RALGAPA2: variants seen among roughly 807,000 people sequenced by gnomAD.
RALGAPA2 encodes the protein ral GTPase-activating protein subunit alpha-2.
Under a neutral mutation model 230.4 loss-of-function variants are expected in RALGAPA2, and 139 were observed. The observed-to-expected ratio is 0.60, with a 90% CI of 0.53 to 0.69. The LOEUF (loss-of-function observed/expected upper bound fraction) is 0.69. Among genes scored for constraint, RALGAPA2 ranks in the 30% least tolerant of loss-of-function variants. RALGAPA2 has a pLI of 0.00. For synonymous variants in RALGAPA2, 847 were observed against 837.8 expected, an observed-to-expected ratio of 1.01 and a Z score of -0.19; for missense variants, 2,163 against 2,276.0, an observed-to-expected ratio of 0.95 and a Z score of 1.01.
In RALGAPA2 at chr20:20,393,056, C is replaced by T. The variant is rs1316690303; in HGVS notation, c.*233G>A. 4 of 1,307,816 alleles carry T rather than the reference C, an allele frequency of 3.1e-6. No individual in the cohort carries two copies. Among genetic ancestry groups the T allele is most frequent in the Non-Finnish European group, 4.1e-6 (4 of 982,186 alleles). The allele number at this position is 1,307,816 out of a possible 1,614,324, so 81.0% of individuals were successfully genotyped here. A position where few individuals can be genotyped will look rare whatever the true frequency, so the allele number is the denominator to read the frequency against. Reference sequence around the variant, plus strand: ...TGATACAGCCTAGTTTGAGTCCCATCTGAGACACGGTAGTGGGATTCACCA... The same window carrying T: ...TGATACAGCCTAGTTTGAGTCCCATTTGAGACACGGTAGTGGGATTCACCA... On this transcript the variant is annotated 3_prime_UTR_variant, in exon 40 of 40. Coordinates refer to ENST00000202677, the MANE Select transcript of RALGAPA2 (RefSeq NM_020343.4).
intron 2 of RALGAPA2, among the ~76,000 whole-genome samples, chr20:20,680,206 C>T (rs2146827496): frequency 6.6e-6 from 1 of 152,338 alleles, no homozygotes; most frequent in Middle Eastern, 3.4e-3. Context: ...GTATACAGAA[C>T]AGAATGTATA....
intron 16 of RALGAPA2, 125 bp from the exon 17 acceptor site, chr20:20,591,439 T>A (rs1401796320): frequency 8.7e-7 from 1 of 1,152,836 alleles, no homozygotes. Context: ...TATAGTCAGA[T>A]AATCTGCATT....
Position 20,531,804 on chromosome 20 carries a change from A to G in RALGAPA2, c.3474-9T>C, listed in dbSNP as rs1246410744. The G allele has an allele frequency of 1.9e-6, 3 of 1,573,986 alleles. No individual in the cohort carries two copies. Among genetic ancestry groups the G allele is most frequent in the Non-Finnish European group, 1.7e-6 (2 of 1,156,700 alleles). On this transcript the variant is annotated splice_polypyrimidine_tract_variant and intron_variant, in intron 26 of 39. Transcript: ENST00000202677. Reference sequence around the variant, plus strand: ...AGCAAACAGCAATGCATCTTTTTAAAAAGAAGAAAACAGAGGAAAACTCTC... The same window carrying G: ...AGCAAACAGCAATGCATCTTTTTAAGAAGAAGAAAACAGAGGAAAACTCTC...
At chr20:20,409,798 T>A (rs537428935) in intron 38 of RALGAPA2, among the ~76,000 whole-genome samples, 1 of 152,368 alleles carries the variant, frequency 6.6e-6, no homozygotes, top group African/African-American at 2.4e-5. Flanking sequence ...CTCATTGTAC[T>A]GCCCCACATT....
intron 35 of RALGAPA2, among the ~76,000 whole-genome samples, chr20:20,497,632 G>A (rs1018474491): frequency 2.6e-5 from 4 of 152,314 alleles, no homozygotes; most frequent in East Asian, 1.9e-4. Flanking sequence ...AGGTAATACC[G>A]TGATTATTGA....
intron 31 of RALGAPA2, among the ~76,000 whole-genome samples, chr20:20,517,627 A>G (rs1335666647): frequency 3.3e-4 from 51 of 152,310 alleles, no homozygotes; most frequent in Non-Finnish European, 1.0e-4. Flanking sequence ...TCCACAGGAG[A>G]CAATGAAATT....
intron 36 of RALGAPA2, among the ~76,000 whole-genome samples, chr20:20,475,055 T>A (rs1334771732): frequency 6.6e-6 from 1 of 152,164 alleles, no homozygotes; most frequent in African/African-American, 2.4e-5. Context: ...TGACACACAA[T>A]TGGAAGGCAA....
chr20:20,701,078 G>A (rs947421177), intron 1 of RALGAPA2, among the ~76,000 whole-genome samples: 3 of 152,170 alleles, frequency 2.0e-5, no homozygotes, highest in Non-Finnish European at 2.9e-5. Context: ...TGTCTGCCAC[G>A]TAGTTTGTGT....
chr20:20,414,031 C>T (rs912597804), intron 37 of RALGAPA2, among the ~76,000 whole-genome samples: 27 of 152,278 alleles, frequency 1.8e-4, no homozygotes, highest in African/African-American at 3.1e-4. Context: ...CCCAGCAAGC[C>T]GCTGGTCCGG....
At chr20:20,675,637 C>G (rs1160826682) in intron 3 of RALGAPA2, among the ~76,000 whole-genome samples, 5 of 152,116 alleles carry the variant, frequency 3.3e-5, no homozygotes, top group African/African-American at 1.2e-4. Flanking sequence ...AGACTTTAAG[C>G]TTAATAAGTC....
At chr20:20,428,324 T>A (rs2060429673) in intron 37 of RALGAPA2, among the ~76,000 whole-genome samples, 1 of 152,174 alleles carries the variant, frequency 6.6e-6, no homozygotes, top group South Asian at 2.1e-4. Flanking sequence ...ATCATCTTCG[T>A]GACTAAAAAT....
intron 39 of RALGAPA2, among the ~76,000 whole-genome samples, chr20:20,393,696 T>C (rs925897047): frequency 1.3e-5 from 2 of 152,240 alleles, no homozygotes; most frequent in Non-Finnish European, 2.9e-5. Flanking sequence ...TTCTACACAA[T>C]GAGTTACAAC....
At chr20:20,662,740 G>T (rs1423805910) in intron 3 of RALGAPA2, among the ~76,000 whole-genome samples, 1 of 152,156 alleles carries the variant, frequency 6.6e-6, no homozygotes, top group African/African-American at 2.4e-5. Flanking sequence ...CACCATTCCT[G>T]CTCTAAAAGT....
In RALGAPA2 at chr20:20,712,283, CTCCCAG is replaced by C; in HGVS notation, c.106+86_106+91del. On this transcript the variant is annotated intron_variant, in intron 1 of 39. Transcript: ENST00000202677. The surrounding 1 kb of genome is among the most constrained non-coding windows in gnomAD (Gnocchi z 5.5). ...ACGCCCACCCATCCCCCTCCCCAGC[CTCCCAG>C]CCACCGACCCCTGCACAGAGGAGCG... 4 of 1,210,674 alleles carry C rather than the reference CTCCCAG, an allele frequency of 3.3e-6. No individual in the cohort carries two copies. Among genetic ancestry groups the C allele is most frequent in the Middle Eastern group, 3.0e-4 (1 of 3,346 alleles). The allele number at this position is 1,210,674 out of a possible 1,614,324, so 75.0% of individuals were successfully genotyped here.
chr20:20,663,525 C>A (rs568164013), intron 3 of RALGAPA2, among the ~76,000 whole-genome samples: 2 of 152,266 alleles, frequency 1.3e-5, no homozygotes, highest in African/African-American at 4.8e-5. Context: ...AAAGGAAGCA[C>A]TGTACAGCTT....
intron 9 of RALGAPA2, among the ~76,000 whole-genome samples, chr20:20,631,895 C>G (rs6106273): frequency 5.9e-5 from 9 of 152,296 alleles, no homozygotes; most frequent in African/African-American, 2.2e-4. Context: ...CTACCAGAAC[C>G]TCAGTCCTCT....
chr20:20,600,828 G>A (rs975430271), intron 16 of RALGAPA2, among the ~76,000 whole-genome samples: 6 of 152,198 alleles, frequency 3.9e-5, no homozygotes, highest in African/African-American at 7.2e-5. Context: ...TAGGGCGGGC[G>A]CAGTGGCTCA....
At chr20:20,517,102 G>A (rs984493813) in intron 31 of RALGAPA2, among the ~76,000 whole-genome samples, 1 of 152,142 alleles carries the variant, frequency 6.6e-6, no homozygotes, top group Non-Finnish European at 1.5e-5. Context: ...CAGCATGAAT[G>A]TACCTACAGA....
intron 35 of RALGAPA2, among the ~76,000 whole-genome samples, chr20:20,498,061 G>A (rs1264597118): frequency 2.0e-5 from 3 of 152,170 alleles, no homozygotes; most frequent in South Asian, 2.1e-4. Flanking sequence ...CAGAACATAC[G>A]GAATACTCTG....
Sources: gnomAD v4.1 joint callset for allele counts (sites outside exome capture counted in the v4.1 genomes callset) on GRCh38, gnomAD v4.1.1 for gene constraint, Gnocchi (gnomAD v3.1) non-coding constraint, MANE v1.5 for transcripts, NCBI Gene and HGNC (gene_info 2026-07-23, HGNC 2026-07-21) for gene names.